The following PTPRT variants were observed in gnomAD, a reference collection of about 807,000 sequenced individuals.
The protein encoded by PTPRT is receptor-type tyrosine-protein phosphatase T.
In PTPRT, 56 loss-of-function variants were observed where a neutral mutation model predicts 176.8. That is an observed-to-expected ratio of 0.32 (90% CI 0.26 to 0.40). The LOEUF (loss-of-function observed/expected upper bound fraction) is 0.40, where lower values mean the gene tolerates loss of function less well. Ranked by LOEUF, PTPRT falls within the 10% of genes least tolerant of loss-of-function variation. PTPRT has a pLI of 1.00. For missense variants in PTPRT, 1,540 were observed against 1,908.2 expected, an observed-to-expected ratio of 0.81 and a Z score of 3.60; for synonymous variants, 783 against 739.0, an observed-to-expected ratio of 1.06 and a Z score of -0.96.
At chr20:43,119,512 T>A (rs2013178473) in intron 1 of PTPRT, among the ~76,000 whole-genome samples, 1 of 152,212 alleles carries the variant, frequency 6.6e-6, no homozygotes, top group Non-Finnish European at 1.5e-5. Flanking sequence ...CTATGCATAA[T>A]CCTTCACATG....
At chr20:42,886,050 C>CATATATAT (rs11473209) in intron 1 of PTPRT, 118 bp from the exon 2 acceptor site, 18 of 339,540 alleles carry the variant, frequency 5.3e-5, no homozygotes, top group African/African-American at 1.4e-4. Context: ...GAAGATTTTC[C>CATATATAT]ATATATATAT....
intron 15 of PTPRT, among the ~76,000 whole-genome samples, chr20:42,201,975 G>GTGTGTGTGTGTGTA (rs1380398908): frequency 5.9e-4 from 90 of 151,418 alleles, no homozygotes; most frequent in African/African-American, 2.1e-3. Flanking sequence ...GTGTGTGTGT[G>GTGTGTGTGTGTGTA]TGTATGTATG....
At chr20:42,563,881 T>C (rs2072994822) in intron 7 of PTPRT, among the ~76,000 whole-genome samples, 1 of 152,194 alleles carries the variant, frequency 6.6e-6, no homozygotes, top group Admixed American at 6.5e-5. Context: ...GAAAGATTTC[T>C]TTTTCGCTCG....
At chr20:42,934,172 C>G (rs562634607) in intron 1 of PTPRT, among the ~76,000 whole-genome samples, 6 of 152,268 alleles carry the variant, frequency 3.9e-5, no homozygotes, top group African/African-American at 1.4e-4. Context: ...AACAGGGTCT[C>G]AGGCAGTTTG....
At chr20:42,209,536 A>G (rs973478439) in intron 15 of PTPRT, among the ~76,000 whole-genome samples, 9 of 152,246 alleles carry the variant, frequency 5.9e-5, no homozygotes, top group Admixed American at 6.5e-5. Flanking sequence ...CAAATGAACT[A>G]GAAAATCTAG....
At position 42,412,763 on chromosome 20, in the gene PTPRT, C is replaced by A. The variant is rs377710587; in HGVS notation, c.1560+35457G>T. Among the ~76,000 whole-genome samples, 17 of 152,190 alleles carry A rather than the reference C, an allele frequency of 1.1e-4. No homozygotes were observed. The East Asian group carries it at 1.4e-3, about 12-fold the overall frequency. On this transcript the variant is annotated intron_variant, in intron 9 of 30. Transcript: ENST00000373187. ...CAGTAGCGTGGCTAAACCTTGACAGCAAGATGCCTCATGAAGGAAATCAGA... is the reference window on the plus strand; with the variant it reads ...CAGTAGCGTGGCTAAACCTTGACAGAAAGATGCCTCATGAAGGAAATCAGA...
chr20:42,320,055 T>C (rs1272831645), intron 11 of PTPRT, among the ~76,000 whole-genome samples: 1 of 152,228 alleles, frequency 6.6e-6, no homozygotes, highest in Non-Finnish European at 1.5e-5. Context: ...AATGAGAAGA[T>C]GGGCATTTAT....
chr20:42,058,747 G>A, the PTPRT span, among the ~76,000 whole-genome samples: 3 of 152,196 alleles, frequency 2.0e-5, no homozygotes, highest in Non-Finnish European at 4.4e-5. Context: ...CCCTGATAGA[G>A]CCCAGGCATC....
chr20:42,911,838 A>G (rs1978399886), intron 1 of PTPRT, among the ~76,000 whole-genome samples: 1 of 152,208 alleles, frequency 6.6e-6, no homozygotes. Flanking sequence ...CAGAATGAAC[A>G]TAAATCTTTG....
intron 12 of PTPRT, among the ~76,000 whole-genome samples, chr20:42,296,333 C>G (rs972107231): frequency 6.6e-6 from 1 of 151,892 alleles, no homozygotes; most frequent in Admixed American, 6.6e-5. Flanking sequence ...GTAATCCCAG[C>G]TACTCAGGAA....
chr20:42,375,355 C>T (rs2058638364), intron 9 of PTPRT, among the ~76,000 whole-genome samples: 1 of 152,140 alleles, frequency 6.6e-6, no homozygotes, highest in South Asian at 2.1e-4. Context: ...AATTCATGTT[C>T]AAACTTAATT....
Position 42,634,093 on chromosome 20 carries a change from TA to T in PTPRT, c.1153+43772del, listed in dbSNP as rs1456594858. Among the ~76,000 whole-genome samples the T allele has an allele frequency of 3.4e-3, 159 of 46,850 alleles. 3 individuals are homozygous for T. The highest frequency in any genetic ancestry group is 0.015 in the African/African-American group (147 of 9,744). 30.7% of individuals were successfully genotyped at this position (46,850 alleles called of 152,430 possible). A position where few individuals can be genotyped will look rare whatever the true frequency, so the allele number is the denominator to read the frequency against. On this transcript the variant is annotated intron_variant, in intron 7 of 30. Coordinates refer to ENST00000373187, the MANE Select transcript of PTPRT (RefSeq NM_007050.6). ...TATATATAATATATATATAATATAATAATATATATATTATAATAATATAATA... is the reference window on the plus strand; with the variant it reads ...TATATATAATATATATATAATATAATATATATATATTATAATAATATAATA...
intron 6 of PTPRT, among the ~76,000 whole-genome samples, chr20:42,734,660 G>A (rs2076511337): frequency 1.3e-5 from 2 of 152,272 alleles, no homozygotes; most frequent in African/African-American, 4.8e-5. Context: ...TTTTCTTAGT[G>A]ACAAACAACC....
rs148225607 is a variant in PTPRT at position 42,089,296 on chromosome 20, G to A, written c.3847-3443C>T. Among the ~76,000 whole-genome samples the A allele has an allele frequency of 3.7e-3, 562 of 152,136 alleles. 1 individual carries two copies. The highest frequency in any genetic ancestry group is 0.014 in the Middle Eastern group (4 of 294). On this transcript the variant is annotated intron_variant, in intron 27 of 30. Coordinates refer to ENST00000373187, the MANE Select transcript of PTPRT (RefSeq NM_007050.6). Reference sequence around the variant, plus strand: ...GATTGGTACAAATAAGTCTATGGTTGGTCAGAGAAACCAGAATTAATCAGA... The same window carrying A: ...GATTGGTACAAATAAGTCTATGGTTAGTCAGAGAAACCAGAATTAATCAGA...
chr20:42,608,994 T>G (rs898663348), intron 7 of PTPRT, among the ~76,000 whole-genome samples: 2 of 152,158 alleles, frequency 1.3e-5, no homozygotes, highest in Non-Finnish European at 2.9e-5. Context: ...GGGTTTGGTA[T>G]AGGATTGAGT....
intron 6 of PTPRT, among the ~76,000 whole-genome samples, chr20:42,698,585 T>C (rs2075921940): frequency 6.6e-6 from 1 of 152,222 alleles, no homozygotes; most frequent in Non-Finnish European, 1.5e-5. Flanking sequence ...TTGGAGTTCC[T>C]AATGCTTAGG....
chr20:42,400,147 T>A (rs775764049), intron 9 of PTPRT, among the ~76,000 whole-genome samples: 10 of 152,282 alleles, frequency 6.6e-5, no homozygotes, highest in Non-Finnish European at 1.3e-4. Context: ...AGATTACATT[T>A]TTTCTTTTTA....
intron 7 of PTPRT, among the ~76,000 whole-genome samples, chr20:42,625,516 G>A (rs1207297205): frequency 6.6e-6 from 1 of 151,712 alleles, no homozygotes; most frequent in Non-Finnish European, 1.5e-5. Context: ...CTGTTTGTCA[G>A]TCTCTGTCTT....
intron 18 of PTPRT, among the ~76,000 whole-genome samples, chr20:42,133,095 TTCAA>T (rs1233635982): frequency 6.6e-6 from 1 of 152,188 alleles, no homozygotes; most frequent in African/African-American, 2.4e-5. Context: ...TGGTACAGTG[TTCAA>T]TCAATTCCCT....
Sources: allele counts gnomAD v4.1 joint callset (sites outside exome capture counted in the v4.1 genomes callset), GRCh38; gene constraint gnomAD v4.1.1; transcripts MANE v1.5; gene names NCBI Gene and HGNC (gene_info 2026-07-23, HGNC 2026-07-21).